The following PTPRG variants were observed in gnomAD, a reference collection of about 807,000 sequenced individuals.
PTPRG encodes the protein protein tyrosine phosphatase receptor type G, also known as receptor-type tyrosine-protein phosphatase gamma.
PTPRG carries 102 observed loss-of-function variants against 165.3 expected under a neutral mutation model. The ratio of observed to expected loss-of-function variants is 0.62; its 90% CI spans 0.53 to 0.73. PTPRG has a LOEUF of 0.73. Among genes scored for constraint, PTPRG ranks in the 30% least tolerant of loss-of-function variants. The probability of loss-of-function intolerance (pLI) is 0.00; values close to 1 mark genes in which losing one functional copy is unlikely to be tolerated. For missense variants in PTPRG, 1,866 were observed against 1,861.4 expected (o/e 1.00, Z -0.05); for synonymous variants, 675 against 669.5 (o/e 1.01, Z -0.13).
rs75067388 is a variant in PTPRG at position 61,687,044 on chromosome 3, A to G, written c.86-61834A>G. 9.9e-3 allele frequency among the ~76,000 whole-genome samples: 1,500 copies of G among 152,276 alleles called. 16 individuals carry two copies. Among genetic ancestry groups the G allele is most frequent in the African/African-American group, 0.034 (1,429 of 41,530 alleles). On this transcript the variant is annotated intron_variant, in intron 1 of 29. Transcript: ENST00000474889. ...ACATCCCCAAAACCAGCCAACCAAA[A>G]ATGCATCAACCGTTGACCACTGGGA... is the stretch of plus-strand genomic sequence containing the variant.
At chr3:61,916,743 TATG>T (rs1204805454) in intron 2 of PTPRG, among the ~76,000 whole-genome samples, 3 of 152,306 alleles carry the variant, frequency 2.0e-5, no homozygotes, top group South Asian at 2.1e-4. Flanking sequence ...TAGGAGCTAT[TATG>T]ATGTCCATTT....
intron 8 of PTPRG, among the ~76,000 whole-genome samples, chr3:62,175,323 G>T (rs1705375214): frequency 6.6e-6 from 1 of 152,172 alleles, no homozygotes; most frequent in Non-Finnish European, 1.5e-5. Context: ...GGTCAGAAAG[G>T]CTAGCAAGAG....
intron 15 of PTPRG, among the ~76,000 whole-genome samples, chr3:62,247,681 C>A (rs1701319298): frequency 6.6e-6 from 1 of 152,156 alleles, no homozygotes; most frequent in Non-Finnish European, 1.5e-5. Flanking sequence ...GGAAACAAGT[C>A]ACAGCCACGT....
At chr3:62,141,324 GGC>G (rs1703917118) in intron 6 of PTPRG, among the ~76,000 whole-genome samples, 1 of 152,132 alleles carries the variant, frequency 6.6e-6, no homozygotes, top group African/African-American at 2.4e-5. Context: ...GAGATGTATA[GGC>G]CAGGCGCGGT....
chr3:62,261,390 T>C (rs550605973), intron 16 of PTPRG, among the ~76,000 whole-genome samples: 2 of 152,348 alleles, frequency 1.3e-5, no homozygotes, highest in Non-Finnish European at 2.9e-5. Flanking sequence ...TTACGTAGAC[T>C]GATTTGTGAT....
At chr3:61,924,534 C>T (rs1342468980) in intron 2 of PTPRG, among the ~76,000 whole-genome samples, 1 of 152,222 alleles carries the variant, frequency 6.6e-6, no homozygotes, top group African/African-American at 2.4e-5. Context: ...ACAAATTGTT[C>T]AGCATCTCCC....
intron 4 of PTPRG, among the ~76,000 whole-genome samples, chr3:62,077,740 A>G (rs548697433): frequency 1.3e-5 from 2 of 152,280 alleles, no homozygotes; most frequent in African/African-American, 2.4e-5. Flanking sequence ...GTGGTGGCTC[A>G]TGCCTGTAAT....
intron 26 of PTPRG, among the ~76,000 whole-genome samples, chr3:62,278,021 T>C (rs1398567484): frequency 6.6e-6 from 1 of 152,130 alleles, no homozygotes; most frequent in Admixed American, 6.6e-5. Context: ...AAGTAAATAA[T>C]TGTAGCTTAC....
chr3:61,705,096 C>G (rs752247344), intron 1 of PTPRG, among the ~76,000 whole-genome samples: 1 of 152,184 alleles, frequency 6.6e-6, no homozygotes, highest in African/African-American at 2.4e-5. Flanking sequence ...AAAACACATG[C>G]ACTGAAGAGC....
At chr3:61,836,050 G>C (rs1219221081) in intron 2 of PTPRG, among the ~76,000 whole-genome samples, 3,447 of 89,104 alleles carry the variant, frequency 0.039, no homozygotes, top group Non-Finnish European at 0.046. Flanking sequence ...CACCCCCCGC[G>C]CCCCCCCCCA....
chr3:62,225,922 G>C (rs1458358662), intron 13 of PTPRG, among the ~76,000 whole-genome samples: 1 of 152,096 alleles, frequency 6.6e-6, no homozygotes, highest in East Asian at 1.9e-4. Flanking sequence ...CCAAAGTGCT[G>C]GGATTACAGG....
intron 6 of PTPRG, among the ~76,000 whole-genome samples, chr3:62,155,769 C>G (rs753436290): frequency 6.6e-6 from 1 of 152,118 alleles, no homozygotes; most frequent in Non-Finnish European, 1.5e-5. Flanking sequence ...CACAGTTGCC[C>G]AAATTTCTGT....
At chr3:62,008,272 T>TG (rs1287805363) in intron 4 of PTPRG, among the ~76,000 whole-genome samples, 3 of 152,132 alleles carry the variant, frequency 2.0e-5, no homozygotes, top group East Asian at 3.8e-4. Context: ...TCCATTAAAG[T>TG]GGGGGGTTCA....
intron 2 of PTPRG, among the ~76,000 whole-genome samples, chr3:61,885,668 T>TCCCCCTCC (rs148287739): frequency 3.3e-4 from 2 of 6,066 alleles, no homozygotes; most frequent in African/African-American, 6.6e-4. Context: ...TCTCCTCTCC[T>TCCCCCTCC]CTCCTCTCCT....
intron 2 of PTPRG, among the ~76,000 whole-genome samples, chr3:61,897,953 T>C (rs568573492): frequency 2.0e-5 from 3 of 152,156 alleles, no homozygotes; most frequent in African/African-American, 4.8e-5. Flanking sequence ...TTTTCATGGA[T>C]TCCTTGGAAT....
intron 2 of PTPRG, among the ~76,000 whole-genome samples, chr3:61,765,680 C>G (rs896416314): frequency 2.6e-5 from 4 of 152,102 alleles, no homozygotes; most frequent in African/African-American, 9.7e-5. Context: ...TACCGTGATC[C>G]AGCTTTTTGT....
intron 2 of PTPRG, among the ~76,000 whole-genome samples, chr3:61,804,784 TC>T (rs768986782): frequency 5.3e-5 from 8 of 152,070 alleles, no homozygotes; most frequent in Non-Finnish European, 1.2e-4. Flanking sequence ...GTGCCCCCGG[TC>T]CCCCTTTTAA....
intron 1 of PTPRG, among the ~76,000 whole-genome samples, chr3:61,662,812 T>A (rs929716660): frequency 2.6e-5 from 4 of 152,138 alleles, no homozygotes; most frequent in Non-Finnish European, 4.4e-5. Flanking sequence ...CAGTAGCATT[T>A]TAAAAAGGCC....
chr3:61,703,070 C>T (rs1158207524), intron 1 of PTPRG, among the ~76,000 whole-genome samples: 1 of 152,036 alleles, frequency 6.6e-6, no homozygotes, highest in Non-Finnish European at 1.5e-5. Flanking sequence ...TAGGCAGAGC[C>T]TTGGCTCGTT....
Sources: gnomAD v4.1 joint callset for allele counts (sites outside exome capture counted in the v4.1 genomes callset) on GRCh38, gnomAD v4.1.1 for gene constraint, MANE v1.5 for transcripts, NCBI Gene and HGNC (gene_info 2026-07-23, HGNC 2026-07-21) for gene names.